Variants in FUCA2 observed in about 807,000 individuals in gnomAD.
FUCA2 encodes the protein plasma alpha-L-fucosidase.
In FUCA2, 41 loss-of-function variants were observed where a neutral mutation model predicts 52.6. The observed-to-expected ratio is 0.78, with a 90% CI of 0.61 to 1.01. FUCA2 has a LOEUF of 1.01. Ranked by LOEUF, FUCA2 falls within the 50% of genes least tolerant of loss-of-function variation. FUCA2 has a pLI of 0.00. For missense variants in FUCA2, 507 were observed against 569.5 expected (o/e 0.89, Z 1.12); for synonymous variants, 211 against 217.3 (o/e 0.97, Z 0.26).
Position 143,511,280 on chromosome 6 carries a change from A to T in FUCA2, c.224+131T>A. 1.4e-6 allele frequency: 1 copy of T among 727,558 alleles called. No homozygotes were observed. Among genetic ancestry groups the T allele is most frequent in the Non-Finnish European group, 2.2e-6 (1 of 461,216 alleles). The allele number at this position is 727,558 out of a possible 1,614,324, so 45.1% of individuals were successfully genotyped here. A position where few individuals can be genotyped will look rare whatever the true frequency, so the allele number is the denominator to read the frequency against. On this transcript the variant is annotated intron_variant, in intron 1 of 6. Transcript: ENST00000002165. The surrounding 1 kb of genome is among the most constrained non-coding windows in gnomAD (Gnocchi z 6.3). ...ACACCCGGAAGTGCGAAACGCGGGT[A>T]ACGCAGTGGGAGGTGAAACCGACGA...
At chr6:143,508,292 A>G (rs1302618299) in intron 1 of FUCA2, among the ~76,000 whole-genome samples, 4 of 152,246 alleles carry the variant, frequency 2.6e-5, no homozygotes, top group African/African-American at 2.4e-5. Flanking sequence ...GCACATCTAC[A>G]CATTTTAGAT....
intron 1 of FUCA2, among the ~76,000 whole-genome samples, chr6:143,508,981 C>T (rs1780647487): frequency 6.6e-6 from 1 of 152,152 alleles, no homozygotes; most frequent in Non-Finnish European, 1.5e-5. Context: ...CCTTGAACTC[C>T]TGGGCTCAAG....
chr6:143,502,264 T>G lies in FUCA2; in HGVS notation c.963+91A>C. On this transcript the variant is annotated intron_variant, in intron 4 of 6. Coordinates refer to ENST00000002165, the MANE Select transcript of FUCA2 (RefSeq NM_032020.5). This position sits in a 1 kb window ranked among gnomAD's most constrained non-coding sequence, Gnocchi z 4.1. Reference sequence around the variant, plus strand: ...CACAGGATAGAACAATGTCCTATATTTATAGGCCATTGAGCCATAGAAGAA... The same window carrying G: ...CACAGGATAGAACAATGTCCTATATGTATAGGCCATTGAGCCATAGAAGAA... 3 of 1,370,284 alleles carry G rather than the reference T, an allele frequency of 2.2e-6. No individual in the cohort carries two copies. The highest frequency in any genetic ancestry group is 1.0e-6 in the Non-Finnish European group (1 of 984,820). 84.9% of individuals were successfully genotyped at this position (1,370,284 alleles called of 1,614,324 possible). A position where few individuals can be genotyped will look rare whatever the true frequency, so the allele number is the denominator to read the frequency against.
At chr6:143,498,634 C>T (rs1780494182) in intron 5 of FUCA2, among the ~76,000 whole-genome samples, 1 of 152,060 alleles carries the variant, frequency 6.6e-6, no homozygotes, top group African/African-American at 2.4e-5. Context: ...AGGGTGATGG[C>T]AGATAAGATC....
At position 143,507,479 on chromosome 6, in the gene FUCA2, GA is replaced by G; in HGVS notation, c.225-56del. The G allele has an allele frequency of 2.4e-6, 3 of 1,272,006 alleles. No homozygotes were observed. The Admixed American group carries it at 8.0e-5, about 34-fold the overall frequency. The allele number at this position is 1,272,006 out of a possible 1,614,324, so 78.8% of individuals were successfully genotyped here. ...ACAGCACATACACACATATTTAAAA[GA>G]ACTGCTCCAGCTCCCCTTACCATTT... On this transcript the variant is annotated intron_variant, in intron 1 of 6. Coordinates refer to ENST00000002165, the MANE Select transcript of FUCA2 (RefSeq NM_032020.5). This position sits in a 1 kb window ranked among gnomAD's most constrained non-coding sequence, Gnocchi z 4.5.
At chr6:143,506,578 A>T (rs1780611497) in intron 2 of FUCA2, 1 of 152,178 alleles carries the variant, frequency 6.6e-6, no homozygotes, top group African/African-American at 2.4e-5. Context: ...CAATTTGTTA[A>T]TGCTTCCCTG....
In FUCA2 at chr6:143,495,984, A is replaced by T; in HGVS notation, c.1264-137T>A. The T allele has an allele frequency of 1.3e-6, 1 of 778,156 alleles. No individual in the cohort carries two copies. The highest frequency in any genetic ancestry group is 2.1e-6 in the Non-Finnish European group (1 of 485,612). 48.2% of individuals were successfully genotyped at this position (778,156 alleles called of 1,614,324 possible). A position where few individuals can be genotyped will look rare whatever the true frequency, so the allele number is the denominator to read the frequency against. On this transcript the variant is annotated intron_variant, in intron 6 of 6. Coordinates refer to ENST00000002165, the MANE Select transcript of FUCA2 (RefSeq NM_032020.5). This position sits in a 1 kb window ranked among gnomAD's most constrained non-coding sequence, Gnocchi z 5.2. ...CATTTTTACCTTTATTTAGTGATTCACAATCACTCTTCATCCAATTGAGTG... is the reference window on the plus strand; with the variant it reads ...CATTTTTACCTTTATTTAGTGATTCTCAATCACTCTTCATCCAATTGAGTG...
rs1167196072 is a variant in FUCA2 at position 143,502,241 on chromosome 6, CAGGAT to C, written c.963+109_963+113del. ...TAGTCACTGCCTAGAAGAACAAACACAGGATAGAACAATGTCCTATATTTATAGGC... is the reference window on the plus strand; with the variant it reads ...TAGTCACTGCCTAGAAGAACAAACACAGAACAATGTCCTATATTTATAGGC... On this transcript the variant is annotated intron_variant, in intron 4 of 6. Coordinates refer to ENST00000002165, the MANE Select transcript of FUCA2 (RefSeq NM_032020.5). The surrounding 1 kb of genome is among the most constrained non-coding windows in gnomAD (Gnocchi z 4.1). 2 of 1,335,214 alleles carry C rather than the reference CAGGAT, an allele frequency of 1.5e-6. No homozygotes were observed. The highest frequency in any genetic ancestry group is 2.9e-5 in the African/African-American group (2 of 67,912). 82.7% of individuals were successfully genotyped at this position (1,335,214 alleles called of 1,614,324 possible).
In FUCA2 at chr6:143,507,099, A is replaced by C; in HGVS notation, c.412+138T>G. On this transcript the variant is annotated intron_variant, in intron 2 of 6. Coordinates refer to ENST00000002165, the MANE Select transcript of FUCA2 (RefSeq NM_032020.5). This position sits in a 1 kb window ranked among gnomAD's most constrained non-coding sequence, Gnocchi z 4.5. ...ATTTGGGTTGAATGTGCAGTCCCTA[A>C]GTCATAAGCAAGTGCCAGTCACCAC... 1 of 698,984 alleles carries C rather than the reference A, an allele frequency of 1.4e-6. No individual in the cohort carries two copies. The highest frequency in any genetic ancestry group is 3.5e-5 in the Admixed American group (1 of 28,696). The allele number at this position is 698,984 out of a possible 1,614,324, so 43.3% of individuals were successfully genotyped here. A position where few individuals can be genotyped will look rare whatever the true frequency, so the allele number is the denominator to read the frequency against.
rs1166825889 is a variant in FUCA2, at chr6:143,509,486, A to G, written c.224+1925T>C. 6.6e-6 allele frequency among the ~76,000 whole-genome samples: 1 copy of G among 152,234 alleles called. No homozygotes were observed. The highest frequency in any genetic ancestry group is 1.5e-5 in the Non-Finnish European group (1 of 68,030). ...ATAGCAAAGAATAAAATGACTCAAA[A>G]CTAGCTGTTTTATTTTGGCATAGTA... On this transcript the variant is annotated intron_variant, in intron 1 of 6. Coordinates refer to ENST00000002165, the MANE Select transcript of FUCA2 (RefSeq NM_032020.5). The surrounding 1 kb of genome is among the most constrained non-coding windows in gnomAD (Gnocchi z 5.4).
In FUCA2 at chr6:143,510,495, C is replaced by T. The variant is rs1045443380; in HGVS notation, c.224+916G>A. On this transcript the variant is annotated intron_variant, in intron 1 of 6. Transcript: ENST00000002165. The surrounding 1 kb of genome is among the most constrained non-coding windows in gnomAD (Gnocchi z 4.4). ...TACTAAAAAATACAAAAAAATTGGC[C>T]AGGCATGGTGGCGTGCGCCTGTAGT... is the stretch of plus-strand genomic sequence containing the variant. 6.6e-6 allele frequency among the ~76,000 whole-genome samples: 1 copy of T among 151,930 alleles called. No individual in the cohort carries two copies. Among genetic ancestry groups the T allele is most frequent in the Non-Finnish European group, 1.5e-5 (1 of 67,998 alleles).
intron 1 of FUCA2, among the ~76,000 whole-genome samples, chr6:143,508,682 G>A (rs1780644134): frequency 6.6e-6 from 1 of 152,218 alleles, no homozygotes; most frequent in South Asian, 2.1e-4. Context: ...GCAGGGTTGT[G>A]TGAAGTTATG....
In FUCA2 at chr6:143,504,337, C is replaced by T. The variant is rs961710898; in HGVS notation, c.413-85G>A. On this transcript the variant is annotated intron_variant, in intron 2 of 6. Transcript: ENST00000002165. The surrounding 1 kb of genome is among the most constrained non-coding windows in gnomAD (Gnocchi z 4.4). ...CCCACACAAATGCCCAAACAAATCA[C>T]ATAGTACATGCGATATATAAATACC... 1 of 1,120,976 alleles carries T rather than the reference C, an allele frequency of 8.9e-7. No homozygotes were observed. The highest frequency in any genetic ancestry group is 2.1e-5 in the Admixed American group (1 of 46,520). 69.4% of individuals were successfully genotyped at this position (1,120,976 alleles called of 1,614,324 possible).
At chr6:143,496,179 A>C (rs1562662671) in intron 6 of FUCA2, 1 of 226,586 alleles carries the variant, frequency 4.4e-6, no homozygotes. Flanking sequence ...GAGTCTGCCC[A>C]AGTATCTACT....
rs1175413332 is a variant in FUCA2, at chr6:143,507,490, G to C, written c.225-66C>G. 1 of 1,164,048 alleles carries C rather than the reference G, an allele frequency of 8.6e-7. No homozygotes were observed. The highest frequency in any genetic ancestry group is 1.6e-5 in the African/African-American group (1 of 62,034). The allele number at this position is 1,164,048 out of a possible 1,614,324, so 72.1% of individuals were successfully genotyped here. A position where few individuals can be genotyped will look rare whatever the true frequency, so the allele number is the denominator to read the frequency against. ...ACACATATTTAAAAGAACTGCTCCA[G>C]CTCCCCTTACCATTTACCCCTCACA... On this transcript the variant is annotated intron_variant, in intron 1 of 6. Coordinates refer to ENST00000002165, the MANE Select transcript of FUCA2 (RefSeq NM_032020.5). The surrounding 1 kb of genome is among the most constrained non-coding windows in gnomAD (Gnocchi z 4.5).
chr6:143,505,328 T>TA (rs1046265346), intron 2 of FUCA2: 4 of 149,206 alleles, frequency 2.7e-5, no homozygotes, highest in African/African-American at 1.0e-4. Flanking sequence ...TTTTTTTTTT[T>TA]TTTTGAGACA....
At position 143,501,812 on chromosome 6, in the gene FUCA2, G is replaced by A. The variant is rs1780530156; in HGVS notation, c.1154+120C>T. ...TATTAGAGTAAGCAAAGTTTGGAAA[G>A]TGCTTTGTATATGTAGGAATTCATC... On this transcript the variant is annotated intron_variant, in intron 5 of 6. Coordinates refer to ENST00000002165, the MANE Select transcript of FUCA2 (RefSeq NM_032020.5). The surrounding 1 kb of genome is among the most constrained non-coding windows in gnomAD (Gnocchi z 6.1). 2.5e-6 allele frequency: 2 copies of A among 800,824 alleles called. No individual in the cohort carries two copies. Among genetic ancestry groups the A allele is most frequent in the African/African-American group, 1.7e-5 (1 of 58,198 alleles). 49.6% of individuals were successfully genotyped at this position (800,824 alleles called of 1,614,324 possible).
intron 5 of FUCA2, among the ~76,000 whole-genome samples, chr6:143,498,957 TTGGCTG>T (rs77064603): frequency 0.13 from 19,596 of 151,856 alleles, 1,357 homozygotes; most frequent in East Asian, 0.32. Flanking sequence ...TGCTAATGGG[TTGGCTG>T]TGACTATAAA....
Position 143,501,335 on chromosome 6 carries a change from G to C in FUCA2, c.1154+597C>G, listed in dbSNP as rs1780524506. 6.6e-6 allele frequency among the ~76,000 whole-genome samples: 1 copy of C among 152,172 alleles called. No homozygotes were observed. The highest frequency in any genetic ancestry group is 6.6e-5 in the Admixed American group (1 of 15,266). Reference sequence around the variant, plus strand: ...GACAGTACTCAGGTGGCAACTGAAAGCGAATTTTTAGAACTTCACCAATAC... The same window carrying C: ...GACAGTACTCAGGTGGCAACTGAAACCGAATTTTTAGAACTTCACCAATAC... On this transcript the variant is annotated intron_variant, in intron 5 of 6. Coordinates refer to ENST00000002165, the MANE Select transcript of FUCA2 (RefSeq NM_032020.5). The surrounding 1 kb of genome is among the most constrained non-coding windows in gnomAD (Gnocchi z 6.1).
Sources: allele counts gnomAD v4.1 joint callset (sites outside exome capture counted in the v4.1 genomes callset), GRCh38; gene constraint gnomAD v4.1.1; non-coding constraint Gnocchi (gnomAD v3.1); transcripts MANE v1.5; gene names NCBI Gene and HGNC (gene_info 2026-07-23, HGNC 2026-07-21).